The following CDH13 variants were observed in gnomAD, a reference collection of about 807,000 sequenced individuals.
The protein encoded by CDH13 is cadherin-13.
In CDH13, 24 loss-of-function variants were observed where a neutral mutation model predicts 63.8. That is an observed-to-expected ratio of 0.38 (90% CI 0.27 to 0.53). The LOEUF (loss-of-function observed/expected upper bound fraction) is 0.53, where lower values mean the gene tolerates loss of function less well. Ranked by LOEUF, CDH13 falls within the 20% of genes least tolerant of loss-of-function variation. The pLI is 0.85. For synonymous variants in CDH13, 503 were observed against 355.3 expected (o/e 1.42, Z -4.67); for missense variants, 1,049 against 903.1 (o/e 1.16, Z -2.07).
intron 7 of CDH13, among the ~76,000 whole-genome samples, chr16:83,571,969 C>T (rs1046305336): frequency 1.3e-5 from 2 of 152,114 alleles, no homozygotes; most frequent in African/African-American, 4.8e-5. Context: ...AGTCATTTAA[C>T]ATTCTGAGCC....
chr16:83,139,378 A>G (rs1419999777), intron 4 of CDH13, among the ~76,000 whole-genome samples: 1 of 152,246 alleles, frequency 6.6e-6, no homozygotes, highest in East Asian at 1.9e-4. Context: ...AATGTGTAAC[A>G]GCTGTGTTCA....
intron 2 of CDH13, among the ~76,000 whole-genome samples, chr16:82,931,595 C>T (rs1021939100): frequency 6.6e-6 from 1 of 151,340 alleles, no homozygotes. Flanking sequence ...AAAGACATAC[C>T]TGAGACTGGG....
At chr16:82,884,171 C>G (rs1463412589) in intron 2 of CDH13, 1 of 455,554 alleles carries the variant, frequency 2.2e-6, no homozygotes, top group Non-Finnish European at 4.4e-6. Context: ...CTGTTTCTTT[C>G]CAACATAATA....
intron 3 of CDH13, among the ~76,000 whole-genome samples, chr16:83,114,450 G>A (rs1336249496): frequency 6.6e-6 from 1 of 152,152 alleles, no homozygotes; most frequent in Non-Finnish European, 1.5e-5. Context: ...TTATTGGCTT[G>A]ATGCCATCCT....
rs560774136 is a variant in CDH13 at position 83,171,553 on chromosome 16, G to A, written c.484-45792G>A. On this transcript the variant is annotated intron_variant, in intron 4 of 13. Coordinates refer to ENST00000567109, the MANE Select transcript of CDH13 (RefSeq NM_001257.5). ...ATTTGGCAAGTTCTGTGCCTAGCAC[G>A]ATGGCTGACATGAGATAAGTGCACA... 40 of 1,534,114 alleles carry A rather than the reference G, an allele frequency of 2.6e-5. 1 individual carries two copies. The highest frequency in any genetic ancestry group is 5.5e-5 in the African/African-American group (4 of 73,030).
At chr16:82,628,859 G>A (rs1264641220) in intron 1 of CDH13, among the ~76,000 whole-genome samples, 2 of 152,174 alleles carry the variant, frequency 1.3e-5, no homozygotes, top group Non-Finnish European at 2.9e-5. Flanking sequence ...GTACCAACCC[G>A]GGCAAGTTGT....
intron 1 of CDH13, among the ~76,000 whole-genome samples, chr16:82,785,866 A>G (rs1236223795): frequency 1.3e-5 from 2 of 152,196 alleles, no homozygotes; most frequent in Non-Finnish European, 2.9e-5. Flanking sequence ...AGAAGGGTGC[A>G]CCCTTACAGA....
intron 8 of CDH13, among the ~76,000 whole-genome samples, chr16:83,625,154 C>CTCATGTGTGTGTGTGTGCTCA: frequency 1.3e-5 from 2 of 149,724 alleles, no homozygotes; most frequent in Middle Eastern, 6.8e-3. Flanking sequence ...TAAAGAAACT[C>CTCATGTGTGTGTGTGTGCTCA]TGTGTGTGTG....
intron 1 of CDH13, among the ~76,000 whole-genome samples, chr16:82,689,981 C>CAAAAAAAAAAAAA (rs1915472581): frequency 1.5e-4 from 1 of 6,484 alleles, no homozygotes; most frequent in African/African-American, 4.9e-4. Flanking sequence ...GCCATCTCTA[C>CAAAAAAAAAAAAA]TAAAAAAAAA....
At position 82,927,305 on chromosome 16, in the gene CDH13, G is replaced by A. The variant is rs147050213; in HGVS notation, c.157+68832G>A. 3.7e-4 allele frequency among the ~76,000 whole-genome samples: 57 copies of A among 152,234 alleles called. No homozygotes were observed. The East Asian group carries it at 9.3e-3, about 25-fold the overall frequency. ...AGACAGAAAATAAACTCCTACTCAC[G>A]GAGAGTCATGTCACCATTACCTTGC... On this transcript the variant is annotated intron_variant, in intron 2 of 13. Coordinates refer to ENST00000567109, the MANE Select transcript of CDH13 (RefSeq NM_001257.5).
chr16:82,731,911 G>A (rs1432171367), intron 1 of CDH13, among the ~76,000 whole-genome samples: 7 of 152,086 alleles, frequency 4.6e-5, no homozygotes, highest in African/African-American at 1.7e-4. Flanking sequence ...GCTTGAATGG[G>A]GCATGTTCTC....
At chr16:83,279,615 T>TTAAATA (rs1197540278) in intron 5 of CDH13, among the ~76,000 whole-genome samples, 1 of 152,212 alleles carries the variant, frequency 6.6e-6, no homozygotes, top group Non-Finnish European at 1.5e-5. Flanking sequence ...GAACCGGCTA[T>TTAAATA]TAAATATGTG....
At chr16:83,209,694 C>G (rs1211748616) in intron 4 of CDH13, among the ~76,000 whole-genome samples, 1 of 152,106 alleles carries the variant, frequency 6.6e-6, no homozygotes, top group Non-Finnish European at 1.5e-5. Flanking sequence ...AATAAGAAAG[C>G]AACAGCCTGA....
chr16:83,036,755 C>T (rs925569979), intron 3 of CDH13, among the ~76,000 whole-genome samples: 3 of 152,106 alleles, frequency 2.0e-5, no homozygotes, highest in African/African-American at 4.8e-5. Flanking sequence ...GTGATCTTGT[C>T]GTGCAGCCTA....
chr16:82,974,093 T>TTTTG (rs1431895490), intron 2 of CDH13, among the ~76,000 whole-genome samples: 1 of 151,916 alleles, frequency 6.6e-6, no homozygotes, highest in African/African-American at 2.4e-5. Context: ...CAGCCAACTG[T>TTTTG]TTTGTTTGTT....
intron 6 of CDH13, among the ~76,000 whole-genome samples, chr16:83,406,578 CTTAGCCTCCCAAGTAG>C (rs2092051295): frequency 6.6e-6 from 1 of 152,146 alleles, no homozygotes; most frequent in Non-Finnish European, 1.5e-5. Context: ...ATTCTCCTGC[CTTAGCCTCCCAAGTAG>C]TTGGGACTAC....
intron 5 of CDH13, among the ~76,000 whole-genome samples, chr16:83,342,893 C>A (rs1597793219): frequency 2.2e-5 from 2 of 90,444 alleles, no homozygotes; most frequent in African/African-American, 4.4e-5. Flanking sequence ...AAGTCCTTGG[C>A]TATTTTGGGA....
chr16:83,407,156 C>G lies in CDH13; in HGVS notation c.781+62150C>G, dbSNP rs8049267. ...AGCAGGAAGACTGCAGTGAGCAAAG[C>G]AAACAAAACTCCCATTTTCCTATGT... is the stretch of plus-strand genomic sequence containing the variant. On this transcript the variant is annotated intron_variant, in intron 6 of 13. Coordinates refer to ENST00000567109, the MANE Select transcript of CDH13 (RefSeq NM_001257.5). Among the ~76,000 whole-genome samples the G allele has an allele frequency of 5.9e-5, 9 of 152,244 alleles. No homozygotes were observed. In the East Asian group the frequency reaches 1.5e-3, roughly 26 times the overall value.
At chr16:83,385,079 G>A (rs1423163572) in intron 6 of CDH13, among the ~76,000 whole-genome samples, 1 of 152,176 alleles carries the variant, frequency 6.6e-6, no homozygotes, top group Non-Finnish European at 1.5e-5. Context: ...AAAATGTAAT[G>A]GGTCATGAAA....
Sources: allele counts gnomAD v4.1 joint callset (sites outside exome capture counted in the v4.1 genomes callset), GRCh38; gene constraint gnomAD v4.1.1; transcripts MANE v1.5; gene names NCBI Gene and HGNC (gene_info 2026-07-23, HGNC 2026-07-21).